The following TMEM9B variants were observed in gnomAD, a reference collection of about 807,000 sequenced individuals.
TMEM9B encodes the protein TMEM9 domain family member B.
In TMEM9B, 8 loss-of-function variants were observed where a neutral mutation model predicts 23.5. The observed-to-expected ratio is 0.34, with a 90% confidence interval of 0.20 to 0.61. The LOEUF is 0.61. TMEM9B is among the 20% of genes least tolerant of loss of function. The pLI is 0.78. For synonymous variants in TMEM9B, 106 were observed against 96.3 expected (o/e 1.10, Z -0.59); for missense variants, 197 against 252.3 (o/e 0.78, Z 1.49).
chr11:8,948,416 G>A lies in TMEM9B; in HGVS notation c.501C>T (p.Asn167=), dbSNP rs757756175. 35 of 1,614,104 alleles carry A rather than the reference G, an allele frequency of 2.2e-5. No homozygotes were observed. The highest frequency in any genetic ancestry group is 1.6e-4 in the East Asian group (7 of 44,896). The change falls in exon 5 of 5, where the codon AAC becomes AAT. Residue 167 remains asparagine, a synonymous_variant. Coordinates refer to ENST00000534025, the MANE Select transcript of TMEM9B (RefSeq NM_020644.3). The part of the protein sequence containing the change: ...DVLARSRSRA[N]VLNKVEYAQQ... ...GTGCATATTCTACCTTGTTCAGCAC[G>A]TTGGCTCGACTGCGGGAGCGGGCTA...
At position 8,964,391 on chromosome 11, in the gene TMEM9B, T is replaced by TCAGGCTCAGGCA. The variant is rs1854155900; in HGVS notation, c.-79_-78insTGCCTGAGCCTG. Reference sequence around the variant, plus strand: ...CTCGGGCTCAGGCTCAGGCTCAGGCTCAGGCACAGGCTTGGGACCCGGCTG... The same window carrying TCAGGCTCAGGCA: ...CTCGGGCTCAGGCTCAGGCTCAGGCTCAGGCTCAGGCACAGGCACAGGCTTGGGACCCGGCTG... On this transcript the variant is annotated 5_prime_UTR_variant, in exon 1 of 5. Coordinates refer to ENST00000534025, the MANE Select transcript of TMEM9B (RefSeq NM_020644.3). 1.3e-6 allele frequency: 2 copies of TCAGGCTCAGGCA among 1,516,294 alleles called. No individual in the cohort carries two copies. Among genetic ancestry groups the TCAGGCTCAGGCA allele is most frequent in the African/African-American group, 1.4e-5 (1 of 70,598 alleles). The allele number at this position is 1,516,294 out of a possible 1,614,324, so 93.9% of individuals were successfully genotyped here.
intron 2 of TMEM9B, among the ~76,000 whole-genome samples, chr11:8,961,423 A>G (rs568982678): frequency 6.6e-6 from 1 of 152,342 alleles, no homozygotes; most frequent in South Asian, 2.1e-4. Flanking sequence ...CTGCTGTAAT[A>G]CAACTGCATC....
rs566200968 is a variant in TMEM9B, at chr11:8,948,187, G to C, written c.*133C>G. ...AGAAAAAAAAATCAAGCAAGTTTTTGCTTCCAGTTTTGAATCTTCCAGCAA... is the reference window on the plus strand; with the variant it reads ...AGAAAAAAAAATCAAGCAAGTTTTTCCTTCCAGTTTTGAATCTTCCAGCAA... On this transcript the variant is annotated 3_prime_UTR_variant, in exon 5 of 5. Coordinates refer to ENST00000534025, the MANE Select transcript of TMEM9B (RefSeq NM_020644.3). 1.7e-6 allele frequency: 2 copies of C among 1,150,328 alleles called. No homozygotes were observed. Among genetic ancestry groups the C allele is most frequent in the African/African-American group, 3.1e-5 (2 of 64,806 alleles). 71.3% of individuals were successfully genotyped at this position (1,150,328 alleles called of 1,614,324 possible).
chr11:8,949,258 C>T (rs1197503804), intron 4 of TMEM9B, among the ~76,000 whole-genome samples: 4 of 152,210 alleles, frequency 2.6e-5, no homozygotes, highest in African/African-American at 9.6e-5. Flanking sequence ...GTATAGAAAA[C>T]CAACCTAACC....
intron 2 of TMEM9B, among the ~76,000 whole-genome samples, chr11:8,958,114 G>C (rs943218567): frequency 7.3e-6 from 1 of 137,190 alleles, no homozygotes; most frequent in Admixed American, 8.1e-5. Flanking sequence ...AGCCGAGATC[G>C]TGCCATTGCA....
At chr11:8,956,499 C>T (rs1853976975) in intron 2 of TMEM9B, among the ~76,000 whole-genome samples, 1 of 152,104 alleles carries the variant, frequency 6.6e-6, no homozygotes, top group Non-Finnish European at 1.5e-5. Context: ...TAAGAAGCCA[C>T]AAAGTCACAC....
rs545395355 is a variant in TMEM9B, at chr11:8,957,293, G to A, written c.198-995C>T. 6.6e-6 allele frequency among the ~76,000 whole-genome samples: 1 copy of A among 152,248 alleles called. No individual in the cohort carries two copies. The highest frequency in any genetic ancestry group is 2.4e-5 in the African/African-American group (1 of 41,536). On this transcript the variant is annotated intron_variant, in intron 2 of 4. Coordinates refer to ENST00000534025, the MANE Select transcript of TMEM9B (RefSeq NM_020644.3). This position sits in a 1 kb window ranked among gnomAD's most constrained non-coding sequence, Gnocchi z 4.3. ...TTATTTCCCCAACCCCATTTTCAAG[G>A]CTAATTATTTATGGTTTGTGTAAAC... is the stretch of plus-strand genomic sequence containing the variant.
chr11:8,958,328 G>A (rs1204277401), intron 2 of TMEM9B, among the ~76,000 whole-genome samples: 1 of 150,826 alleles, frequency 6.6e-6, no homozygotes. Flanking sequence ...TGGGCATGGT[G>A]GCACATGCCT....
At chr11:8,950,535 G>C (rs1216661086) in intron 4 of TMEM9B, among the ~76,000 whole-genome samples, 1 of 152,160 alleles carries the variant, frequency 6.6e-6, no homozygotes, top group African/African-American at 2.4e-5. Context: ...AAGTTCAAAA[G>C]ACTAAACAAA....
chr11:8,959,430 A>C (rs2134874152), intron 2 of TMEM9B, among the ~76,000 whole-genome samples: 1 of 152,172 alleles, frequency 6.6e-6, no homozygotes, highest in African/African-American at 2.4e-5. Flanking sequence ...AACAGAAAGG[A>C]CCAGAATCCA....
At chr11:8,964,543 T>A, upstream of TMEM9B, 2 of 1,292,378 alleles carry the variant, frequency 1.5e-6, no homozygotes, top group Non-Finnish European at 2.0e-6. Context: ...GCAGTCCTGG[T>A]GCCCGCCTTG....
chr11:8,948,199 G>C lies in TMEM9B; in HGVS notation c.*121C>G, dbSNP rs1853807447. On this transcript the variant is annotated 3_prime_UTR_variant, in exon 5 of 5. Coordinates refer to ENST00000534025, the MANE Select transcript of TMEM9B (RefSeq NM_020644.3). ...CAAGCAAGTTTTTGCTTCCAGTTTT[G>C]AATCTTCCAGCAACAGTTGGTGAAA... is the stretch of plus-strand genomic sequence containing the variant. 2 of 1,292,400 alleles carry C rather than the reference G, an allele frequency of 1.5e-6. No homozygotes were observed. The highest frequency in any genetic ancestry group is 2.1e-6 in the Non-Finnish European group (2 of 952,398). 80.1% of individuals were successfully genotyped at this position (1,292,400 alleles called of 1,614,324 possible). A position where few individuals can be genotyped will look rare whatever the true frequency, so the allele number is the denominator to read the frequency against.
chr11:8,956,720 T>C (rs1172932188), intron 2 of TMEM9B, among the ~76,000 whole-genome samples: 2 of 152,176 alleles, frequency 1.3e-5, no homozygotes, highest in African/African-American at 4.8e-5. Context: ...ATCATTCTTT[T>C]TTGTTGTTGT....
Position 8,948,472 on chromosome 11 carries a change from G to C in TMEM9B, c.445C>G (p.His149Asp). The stretch of plus-strand genomic sequence containing the variant: ...TCGTGTGCATTTGCAAAAGGCTGGT[G>C]ATCCTAAAAGTCCAGGAATGGAGAA... ...LIQSDDDIGDHQPFANAHDVL... is the reference protein window; with the variant it reads ...LIQSDDDIGDDQPFANAHDVL... The change falls in exon 5 of 5, where the codon CAC becomes GAC. Residue 149 changes from histidine to aspartate, a missense_variant. Transcript: ENST00000534025. 6.2e-7 allele frequency: 1 copy of C among 1,613,716 alleles called. No individual in the cohort carries two copies. The highest frequency in any genetic ancestry group is 8.5e-7 in the Non-Finnish European group (1 of 1,179,844).
At position 8,953,305 on chromosome 11, in the gene TMEM9B, G is replaced by A; in HGVS notation, c.339C>T (p.Gly113=). The part of the protein sequence containing the change: ...VTIIIYLSIL[G]LLLLYMVYLT... The stretch of plus-strand genomic sequence containing the variant: ...GATATACCATGTACAGAAGTAGAAG[G>A]CCCAAAATGGAGAGATAAATTATAA... The change falls in exon 4 of 5, where the codon GGC becomes GGT. Residue 113 remains glycine (G), a synonymous_variant. Transcript: ENST00000534025. 6.2e-7 allele frequency: 1 copy of A among 1,613,778 alleles called. No individual in the cohort carries two copies. Among genetic ancestry groups the A allele is most frequent in the Non-Finnish European group, 8.5e-7 (1 of 1,179,898 alleles).
chr11:8,959,198 GT>G (rs1304872161), intron 2 of TMEM9B, among the ~76,000 whole-genome samples: 1 of 152,190 alleles, frequency 6.6e-6, no homozygotes, highest in Non-Finnish European at 1.5e-5. Flanking sequence ...TAATCCCAGA[GT>G]TTTAGGAGGC....
chr11:8,961,165 T>C (rs7124619), intron 2 of TMEM9B, among the ~76,000 whole-genome samples: 4,888 of 152,254 alleles, frequency 0.032, 248 homozygotes, highest in African/African-American at 0.11. Context: ...GAACAGACAG[T>C]GGCATCAGAG....
intron 4 of TMEM9B, among the ~76,000 whole-genome samples, chr11:8,951,609 T>G: frequency 6.7e-6 from 1 of 148,260 alleles, no homozygotes; most frequent in Admixed American, 6.8e-5. Flanking sequence ...ATACGAAAAA[T>G]TAGCCGGGCG....
At chr11:8,956,114 T>C (rs1445704462) in intron 3 of TMEM9B, 76 bp downstream of exon 3, 19 of 1,389,720 alleles carry the variant, frequency 1.4e-5, no homozygotes, top group Non-Finnish European at 1.7e-5. Flanking sequence ...TTTTCTGTCT[T>C]GTCTAGAAAC....
Sources: allele counts gnomAD v4.1 joint callset (sites outside exome capture counted in the v4.1 genomes callset), GRCh38; gene constraint gnomAD v4.1.1; non-coding constraint Gnocchi (gnomAD v3.1); transcripts MANE v1.5; gene names NCBI Gene and HGNC (gene_info 2026-07-23, HGNC 2026-07-21).